TAF3: variants seen among roughly 807,000 people sequenced by gnomAD.
The protein encoded by TAF3 is TATA-box binding protein associated factor 3.
Under a neutral mutation model 80.6 loss-of-function variants are expected in TAF3, and 7 were observed. The observed-to-expected ratio is 0.09, with a 90% CI of 0.05 to 0.16. TAF3 has a LOEUF of 0.16. TAF3 is among the 10% of genes least tolerant of loss of function. The pLI is 1.00. For synonymous variants in TAF3, 444 were observed against 446.1 expected, an observed-to-expected ratio of 1.00 and a Z score of 0.06; for missense variants, 921 against 1,140.2, an observed-to-expected ratio of 0.81 and a Z score of 2.77.
chr10:7,934,723 G>A (rs940410793), intron 2 of TAF3, among the ~76,000 whole-genome samples: 1 of 152,082 alleles, frequency 6.6e-6, no homozygotes, highest in Non-Finnish European at 1.5e-5. Flanking sequence ...GGGATTACAG[G>A]TGTGAGCCAC....
At chr10:7,959,299 CTTTG>C (rs938062395) in intron 2 of TAF3, among the ~76,000 whole-genome samples, 15 of 151,992 alleles carry the variant, frequency 9.9e-5, no homozygotes, top group South Asian at 4.1e-4. Flanking sequence ...AATAAGAAAC[CTTTG>C]TTTGTTCTAA....
At chr10:7,955,342 T>C (rs971218281) in intron 2 of TAF3, among the ~76,000 whole-genome samples, 55 of 152,244 alleles carry the variant, frequency 3.6e-4, no homozygotes, top group African/African-American at 1.3e-3. Flanking sequence ...TACATCTGCA[T>C]ACATTTTTCA....
At chr10:7,865,729 A>C (rs1236454905) in intron 2 of TAF3, among the ~76,000 whole-genome samples, 1 of 152,174 alleles carries the variant, frequency 6.6e-6, no homozygotes, top group Non-Finnish European at 1.5e-5. Flanking sequence ...TGCTTAGTAA[A>C]TGTGCTTCTC....
chr10:7,938,725 A>G (rs984843772), intron 2 of TAF3, among the ~76,000 whole-genome samples: 7 of 152,246 alleles, frequency 4.6e-5, no homozygotes, highest in African/African-American at 1.7e-4. Context: ...AAGATTTAGG[A>G]GTCAGCAACA....
intron 2 of TAF3, among the ~76,000 whole-genome samples, chr10:7,849,023 GTTTATAT>G (rs1837000217): frequency 1.3e-5 from 2 of 152,132 alleles, no homozygotes; most frequent in Admixed American, 1.3e-4. Context: ...AACATGGTGA[GTTTATAT>G]CACACTTTGA....
intron 4 of TAF3, among the ~76,000 whole-genome samples, chr10:7,991,129 A>C (rs1831829316): frequency 6.6e-6 from 1 of 152,102 alleles, no homozygotes; most frequent in Non-Finnish European, 1.5e-5. Context: ...GTCTTGCCTC[A>C]GAGAAAATTT....
At chr10:7,976,617 C>G (rs150601991) in intron 3 of TAF3, among the ~76,000 whole-genome samples, 235 of 152,214 alleles carry the variant, frequency 1.5e-3, no homozygotes, top group African/African-American at 5.3e-3. Flanking sequence ...GTTGGCCAAA[C>G]TGATCTCGAA....
intron 3 of TAF3, among the ~76,000 whole-genome samples, chr10:7,969,855 C>G (rs116703109): frequency 0.012 from 1,850 of 152,326 alleles, 36 homozygotes; most frequent in African/African-American, 0.042. Context: ...CTGCCACTTA[C>G]TCGTTATTCA....
chr10:7,912,986 G>A (rs1255757596), intron 2 of TAF3, among the ~76,000 whole-genome samples: 1 of 152,190 alleles, frequency 6.6e-6, no homozygotes, highest in Non-Finnish European at 1.5e-5. Flanking sequence ...TGGAGAATGG[G>A]AGTCTAGGAC....
At chr10:7,868,319 G>A (rs370433147) in intron 2 of TAF3, among the ~76,000 whole-genome samples, 2 of 151,800 alleles carry the variant, frequency 1.3e-5, no homozygotes, top group African/African-American at 4.8e-5. Flanking sequence ...TCCAGCTCTG[G>A]TGATTCAGGA....
chr10:7,848,576 A>G (rs1294951948), intron 2 of TAF3, among the ~76,000 whole-genome samples: 1 of 152,184 alleles, frequency 6.6e-6, no homozygotes, highest in African/African-American at 2.4e-5. Context: ...CAGCTGCTAG[A>G]TATCCTGTTG....
At chr10:7,834,382 G>T (rs1449338725) in intron 2 of TAF3, among the ~76,000 whole-genome samples, 2 of 151,816 alleles carry the variant, frequency 1.3e-5, no homozygotes, top group East Asian at 1.9e-4. Context: ...TTTCTAAGTG[G>T]TATGAGATAA....
intron 2 of TAF3, among the ~76,000 whole-genome samples, chr10:7,870,807 C>T (rs1469382728): frequency 2.0e-5 from 3 of 152,068 alleles, no homozygotes; most frequent in Non-Finnish European, 2.9e-5. Flanking sequence ...TTCTTGATCC[C>T]TTCTTCTGCC....
chr10:7,872,214 T>TTG (rs1491540855), intron 2 of TAF3, among the ~76,000 whole-genome samples: 1 of 1,240 alleles, frequency 8.1e-4, no homozygotes, highest in Non-Finnish European at 3.6e-3. Context: ...GTTGGGTTGA[T>TTG]TTTTTTTTTT....
In TAF3 at chr10:8,014,831, T is replaced by G; in HGVS notation, c.*80T>G. ...CTCTGGAAGGGAGCTGGTGCAAGTC[T>G]GCCGTCACATCCACCCCCAGATGCC... On this transcript the variant is annotated 3_prime_UTR_variant, in exon 7 of 7. Coordinates refer to ENST00000344293, the MANE Select transcript of TAF3 (RefSeq NM_031923.4). 1 of 1,245,292 alleles carries G rather than the reference T, an allele frequency of 8.0e-7. No homozygotes were observed. Among genetic ancestry groups the G allele is most frequent in the Non-Finnish European group, 1.1e-6 (1 of 896,212 alleles). The allele number at this position is 1,245,292 out of a possible 1,614,324, so 77.1% of individuals were successfully genotyped here. A position where few individuals can be genotyped will look rare whatever the true frequency, so the allele number is the denominator to read the frequency against.
intron 2 of TAF3, among the ~76,000 whole-genome samples, chr10:7,890,378 G>C (rs1205202918): frequency 5.3e-5 from 8 of 152,194 alleles, no homozygotes; most frequent in Non-Finnish European, 1.0e-4. Context: ...ACTGGGTAGT[G>C]AGCAGCTTGT....
chr10:7,875,570 C>G (rs1387890653), intron 2 of TAF3, among the ~76,000 whole-genome samples: 9 of 152,148 alleles, frequency 5.9e-5, no homozygotes, highest in Admixed American at 4.6e-4. Flanking sequence ...TTGTTGGCCT[C>G]CAGTTGAAAA....
intron 1 of TAF3, among the ~76,000 whole-genome samples, chr10:7,819,464 T>G (rs1836668085): frequency 4.6e-5 from 7 of 152,228 alleles, no homozygotes; most frequent in Admixed American, 2.0e-4. Flanking sequence ...GCTGATTAGA[T>G]GTACTTTCAC....
At chr10:7,998,223 A>G (rs10905265) in intron 4 of TAF3, among the ~76,000 whole-genome samples, 6,648 of 142,984 alleles carry the variant, frequency 0.046, 250 homozygotes, top group Admixed American at 0.12. Context: ...TTTACTACTC[A>G]GAAAATCTGA....
Sources: allele counts gnomAD v4.1 joint callset (sites outside exome capture counted in the v4.1 genomes callset), GRCh38; gene constraint gnomAD v4.1.1; transcripts MANE v1.5; gene names NCBI Gene and HGNC (gene_info 2026-07-23, HGNC 2026-07-21).